Variants in FAT1 observed in about 807,000 individuals in gnomAD.
The protein encoded by FAT1 is protocadherin Fat 1.
FAT1 carries 171 observed loss-of-function variants against 329.8 expected under a neutral mutation model. The ratio of observed to expected loss-of-function variants is 0.52; its 90% CI spans 0.46 to 0.59. The LOEUF (loss-of-function observed/expected upper bound fraction) is 0.59. Ranked by LOEUF, FAT1 falls within the 20% of genes least tolerant of loss-of-function variation. The pLI is 0.00. For synonymous variants in FAT1, 2,233 were observed against 2,228.6 expected, an observed-to-expected ratio of 1.00 and a Z score of -0.06; for missense variants, 5,672 against 5,774.4, an observed-to-expected ratio of 0.98 and a Z score of 0.57.
chr4:186,643,303 C>T (rs1741187621), intron 3 of FAT1, among the ~76,000 whole-genome samples: 1 of 152,134 alleles, frequency 6.6e-6, no homozygotes, highest in Admixed American at 6.5e-5. Flanking sequence ...TGCAAGAAAC[C>T]CTGCAGGGTG....
chr4:186,667,561 A>G (rs188332738), intron 2 of FAT1, among the ~76,000 whole-genome samples: 266 of 152,328 alleles, frequency 1.7e-3, no homozygotes, highest in African/African-American at 6.2e-3. Flanking sequence ...TAAGATAAAA[A>G]ATCACTGAAT....
At position 186,707,555 on chromosome 4, in the gene FAT1, C is replaced by T. The variant is rs1744694504; in HGVS notation, c.2273G>A (p.Gly758Glu). 1 of 1,613,912 alleles carries T rather than the reference C, an allele frequency of 6.2e-7. No homozygotes were observed. Among genetic ancestry groups the T allele is most frequent in the African/African-American group, 1.3e-5 (1 of 74,930 alleles). Reference sequence around the variant, plus strand: ...CATGAAGCAACTATCCTCATTTCCTCCAGAAACAGCATAGACCAGTTTTCC... The same window carrying T: ...CATGAAGCAACTATCCTCATTTCCTTCAGAAACAGCATAGACCAGTTTTCC... ...FNGKLVYAVS[G>E]GNEDSCFMID... Residue 758 changes from glycine (G) to glutamate (E), a missense_variant, in exon 2 of 27, where the codon GGA becomes GAA. By Grantham distance (98) the Gly-to-Glu change is moderately conservative. Around this residue, in one of 2 missense-constraint regions of FAT1, gnomAD observed 3,966 missense variants for 3,915.2 expected, o/e 1.01. Coordinates refer to ENST00000441802, the MANE Select transcript of FAT1 (RefSeq NM_005245.4).
chr4:186,648,670 T>C (rs550752106), intron 3 of FAT1, among the ~76,000 whole-genome samples: 175 of 152,266 alleles, frequency 1.1e-3, no homozygotes, highest in Non-Finnish European at 2.2e-3. Flanking sequence ...CAGGAGAAAC[T>C]TTCCTACCAA....
chr4:186,696,946 C>CT (rs1294109373), intron 2 of FAT1, among the ~76,000 whole-genome samples: 4 of 152,272 alleles, frequency 2.6e-5, no homozygotes, highest in Admixed American at 2.6e-4. Context: ...ATCACTTCAA[C>CT]TTGGAGGTGC....
At chr4:186,601,834 T>C (rs1738831999) in intron 20 of FAT1, 3 of 157,414 alleles carry the variant, frequency 1.9e-5, no homozygotes, top group Non-Finnish European at 2.8e-5. Flanking sequence ...TGGCAACTGT[T>C]ACATAAAATT....
At chr4:186,720,024 TCTAA>T (rs1193652631) in intron 1 of FAT1, among the ~76,000 whole-genome samples, 7 of 152,168 alleles carry the variant, frequency 4.6e-5, no homozygotes, top group African/African-American at 1.2e-4. Context: ...TAATCTAACC[TCTAA>T]CTAATTTCCT....
At chr4:186,632,617 T>C (rs940134004) in intron 7 of FAT1, among the ~76,000 whole-genome samples, 2 of 152,186 alleles carry the variant, frequency 1.3e-5, no homozygotes, top group African/African-American at 4.8e-5. Context: ...AACATACATG[T>C]ATCAATTTTA....
At chr4:186,658,341 G>C (rs545383466) in intron 3 of FAT1, among the ~76,000 whole-genome samples, 2 of 152,076 alleles carry the variant, frequency 1.3e-5, no homozygotes, top group Non-Finnish European at 2.9e-5. Flanking sequence ...ATTCAAAAAA[G>C]TTCACTCAAA....
chr4:186,611,121 G>T lies in FAT1; in HGVS notation c.9853+265C>A, dbSNP rs370498638. On this transcript the variant is annotated intron_variant, in intron 14 of 26. Transcript: ENST00000441802. ...ACCTTACATCTCAACTAAACTAATAGAACATGCTGCTTTGATTTTCTATTT... is the reference window on the plus strand; with the variant it reads ...ACCTTACATCTCAACTAAACTAATATAACATGCTGCTTTGATTTTCTATTT... Among the ~76,000 whole-genome samples, 20 of 152,162 alleles carry T rather than the reference G, an allele frequency of 1.3e-4. 1 individual carries two copies. Among genetic ancestry groups the T allele is most frequent in the Admixed American group, 1.2e-3 (19 of 15,286 alleles).
At chr4:186,638,575 G>GT (rs1276536314) in intron 4 of FAT1, among the ~76,000 whole-genome samples, 1 of 151,870 alleles carries the variant, frequency 6.6e-6, no homozygotes, top group African/African-American at 2.4e-5. Flanking sequence ...CACTGTGGCT[G>GT]TGAAACCACC....
At chr4:186,688,114 GAAAA>G (rs55834504) in intron 2 of FAT1, among the ~76,000 whole-genome samples, 1 of 55,654 alleles carries the variant, frequency 1.8e-5, no homozygotes, top group African/African-American at 5.7e-5. Flanking sequence ...ACTCAAAGCT[GAAAA>G]AAAAAAAAAA....
chr4:186,619,421 G>C lies in FAT1; in HGVS notation c.7165C>G (p.Leu2389Val), dbSNP rs2126505407. The C allele has an allele frequency of 6.2e-7, 1 of 1,614,044 alleles. No homozygotes were observed. The highest frequency in any genetic ancestry group is 2.2e-5 in the East Asian group (1 of 44,882). The change falls in exon 10 of 27, where the codon CTC becomes GTC. Residue 2389 changes from leucine (L) to valine (V), a missense_variant. By Grantham distance (32) the Leu-to-Val change is conservative. Around this residue, in one of 2 missense-constraint regions of FAT1, gnomAD observed 3,966 missense variants for 3,915.2 expected, o/e 1.01. Transcript: ENST00000441802. ...DVTDLNDNPP[L>V]FEQQIYEARI... ...GCTTCATAAATCTGTTGTTCAAAGA[G>C]TGGTGGATTATCATTGAGGTCGGTA...
chr4:186,716,956 G>C (rs115405153), intron 1 of FAT1, among the ~76,000 whole-genome samples: 7,880 of 152,066 alleles, frequency 0.052, 229 homozygotes, highest in Non-Finnish European at 0.068. Context: ...GCTAACTTTT[G>C]TATTTTAGTA....
chr4:186,596,823 CTTA>C lies in FAT1; in HGVS notation c.12714_12716del (p.Asn4238del). On this transcript the variant is annotated inframe_deletion, in exon 25 of 27. Transcript: ENST00000441802. This position sits in a 1 kb window ranked among gnomAD's most constrained non-coding sequence, Gnocchi z 4.7. Reference sequence around the variant, plus strand: ...GGGGTGGTATGTCTGAGTAAATGTTCTTATTTAGCTTGGAATCAAAATACGGTC... The same window carrying C: ...GGGGTGGTATGTCTGAGTAAATGTTCTTTAGCTTGGAATCAAAATACGGTC... The C allele has an allele frequency of 6.2e-7, 1 of 1,613,964 alleles. No individual in the cohort carries two copies. The highest frequency in any genetic ancestry group is 8.5e-7 in the Non-Finnish European group (1 of 1,179,878).
chr4:186,630,273 T>G (rs1740524660), intron 7 of FAT1, among the ~76,000 whole-genome samples: 2 of 152,208 alleles, frequency 1.3e-5, no homozygotes, highest in South Asian at 4.1e-4. Context: ...GAGATAATGC[T>G]TTCTTGGGTA....
At chr4:186,646,260 A>G (rs1741379711) in intron 3 of FAT1, among the ~76,000 whole-genome samples, 1 of 152,188 alleles carries the variant, frequency 6.6e-6, no homozygotes, top group Admixed American at 6.5e-5. Context: ...GATCAAGGAA[A>G]AAAGGTAAAA....
At position 186,661,571 on chromosome 4, in the gene FAT1, C is replaced by G. The variant is rs75545802; in HGVS notation, c.3580+1728G>C. ...GCCGGGAGGGTGGTACACCCTGACT[C>G]TACCGGGACAGAAATGCCTGTGCGT... On this transcript the variant is annotated intron_variant, in intron 3 of 26. Coordinates refer to ENST00000441802, the MANE Select transcript of FAT1 (RefSeq NM_005245.4). Among the ~76,000 whole-genome samples, 521 of 152,348 alleles carry G rather than the reference C, an allele frequency of 3.4e-3. 14 individuals carry two copies. The East Asian group carries it at 0.068, about 20-fold the overall frequency.
chr4:186,621,441 A>C lies in FAT1; in HGVS notation c.5145T>G (p.His1715Gln). 1 of 1,614,034 alleles carries C rather than the reference A, an allele frequency of 6.2e-7. No homozygotes were observed. The highest frequency in any genetic ancestry group is 1.3e-5 in the African/African-American group (1 of 75,064). ...NTGDAFDINPHSGTIITQKAL... is the reference protein window; with the variant it reads ...NTGDAFDINPQSGTIITQKAL... ...CTTTCTGAGTGATGATAGTTCCAGA[A>C]TGTGGATTAATATCAAAAGCATCAC... is the stretch of plus-strand genomic sequence containing the variant. The change falls in exon 10 of 27, where the codon CAT (histidine) becomes CAG (glutamine). Residue 1715 changes from histidine to glutamine, a missense_variant. This residue lies in a region of FAT1 where 3,966 missense variants were observed against 3,915.2 expected (regional missense o/e 1.01). Transcript: ENST00000441802.
In FAT1 at chr4:186,590,364, T is replaced by C. The variant is rs1436930740; in HGVS notation, c.13139-1144A>G. 2.3e-6 allele frequency: 3 copies of C among 1,289,024 alleles called. No homozygotes were observed. The African/African-American group carries it at 4.5e-5, about 20-fold the overall frequency. 79.8% of individuals were successfully genotyped at this position (1,289,024 alleles called of 1,614,324 possible). A position where few individuals can be genotyped will look rare whatever the true frequency, so the allele number is the denominator to read the frequency against. ...TCAATGAATAACTGGCATGCATAAG[T>C]CACCTCTTGGTTTGCTGAGGTCAGG... On this transcript the variant is annotated intron_variant, in intron 26 of 26. Transcript: ENST00000441802.
Sources: gnomAD v4.1 joint callset for allele counts (sites outside exome capture counted in the v4.1 genomes callset) on GRCh38, gnomAD v4.1.1 for gene constraint, gnomAD v4.1.1 regional missense constraint, Gnocchi (gnomAD v3.1) non-coding constraint, MANE v1.5 for transcripts, NCBI Gene and HGNC (gene_info 2026-07-23, HGNC 2026-07-21) for gene names.